Variants in ASTN2 observed in about 807,000 individuals in gnomAD.
The protein encoded by ASTN2 is astrotactin 2, also known as astrotactin-2.
In ASTN2, 54 loss-of-function variants were observed where a neutral mutation model predicts 139.8. The observed-to-expected ratio is 0.39, with a 90% CI of 0.31 to 0.48. The LOEUF (loss-of-function observed/expected upper bound fraction) is 0.48. ASTN2 is among the 20% of genes least tolerant of loss of function. The pLI is 0.95. For synonymous variants in ASTN2, 756 were observed against 719.5 expected (o/e 1.05, Z -0.81); for missense variants, 1,565 against 1,725.1 (o/e 0.91, Z 1.64).
rs55985751 is a variant in ASTN2, at chr9:116,838,610, G to T, written c.2041-17827C>A. ...AGCAATTTTTTTTTTTTTTTTTTCAGTAGAGATGGAGTTTCACCAGGCCAG... is the reference window on the plus strand; with the variant it reads ...AGCAATTTTTTTTTTTTTTTTTTCATTAGAGATGGAGTTTCACCAGGCCAG... On this transcript the variant is annotated intron_variant, in intron 11 of 22. Coordinates refer to ENST00000313400, the MANE Select transcript of ASTN2 (RefSeq NM_001365068.1). 1.6e-3 allele frequency among the ~76,000 whole-genome samples: 195 copies of T among 121,124 alleles called. 1 individual carries two copies. The highest frequency in any genetic ancestry group is 5.9e-3 in the African/African-American group (180 of 30,470). The allele number at this position is 121,124 out of a possible 152,430, so 79.5% of individuals were successfully genotyped here.
chr9:117,346,972 T>C (rs1829239013), intron 1 of ASTN2, among the ~76,000 whole-genome samples: 1 of 152,178 alleles, frequency 6.6e-6, no homozygotes, highest in Non-Finnish European at 1.5e-5. Flanking sequence ...CACATTCTTT[T>C]TTGTTAATTA....
chr9:117,187,283 G>C (rs1213402709), intron 3 of ASTN2, among the ~76,000 whole-genome samples: 1 of 152,132 alleles, frequency 6.6e-6, no homozygotes, highest in Non-Finnish European at 1.5e-5. Context: ...TGAAGGAACT[G>C]GGGGAACAAG....
At chr9:116,538,547 A>T (rs1377884131) in intron 19 of ASTN2, among the ~76,000 whole-genome samples, 1 of 152,164 alleles carries the variant, frequency 6.6e-6, no homozygotes, top group Non-Finnish European at 1.5e-5. Flanking sequence ...CGACTTGTGA[A>T]TTCTAAATTC....
intron 16 of ASTN2, among the ~76,000 whole-genome samples, chr9:116,720,473 C>A (rs116763496): frequency 6.6e-6 from 1 of 152,124 alleles, no homozygotes; most frequent in Non-Finnish European, 1.5e-5. Context: ...TCTAGCCTCT[C>A]TTTATCTCGC....
At chr9:117,097,328 C>T (rs148304519) in intron 4 of ASTN2, among the ~76,000 whole-genome samples, 5 of 152,224 alleles carry the variant, frequency 3.3e-5, no homozygotes, top group African/African-American at 7.2e-5. Context: ...ATACTAATAG[C>T]CATTAATTCC....
intron 19 of ASTN2, among the ~76,000 whole-genome samples, chr9:116,572,826 G>T: frequency 6.6e-6 from 1 of 152,190 alleles, no homozygotes; most frequent in Non-Finnish European, 1.5e-5. Flanking sequence ...AAAGAGGGAG[G>T]ACTGAAATGT....
intron 6 of ASTN2, among the ~76,000 whole-genome samples, chr9:117,022,423 C>T (rs1837908379): frequency 6.8e-6 from 1 of 146,056 alleles, no homozygotes; most frequent in African/African-American, 2.5e-5. Flanking sequence ...GAGAAATAGT[C>T]ATGTACAGTA....
chr9:116,492,986 C>T lies in ASTN2; in HGVS notation c.3356-5486G>A, dbSNP rs527341202. Among the ~76,000 whole-genome samples, 45 of 152,182 alleles carry T rather than the reference C, an allele frequency of 3.0e-4. 1 individual carries two copies. The South Asian group carries it at 7.0e-3, about 24-fold the overall frequency. ...TAGTTTGATCTATTTTATATACTAGCGGTCCATGTTTTTATTTAGTTTTTT... is the reference window on the plus strand; with the variant it reads ...TAGTTTGATCTATTTTATATACTAGTGGTCCATGTTTTTATTTAGTTTTTT... On this transcript the variant is annotated intron_variant, in intron 19 of 22. Coordinates refer to ENST00000313400, the MANE Select transcript of ASTN2 (RefSeq NM_001365068.1).
intron 19 of ASTN2, among the ~76,000 whole-genome samples, chr9:116,509,103 C>T (rs1328142234): frequency 5.3e-5 from 8 of 152,140 alleles, no homozygotes; most frequent in Non-Finnish European, 1.2e-4. Flanking sequence ...TGGTGTGCTG[C>T]ACCCATTAAC....
intron 7 of ASTN2, 58 bp downstream of exon 7, chr9:117,008,034 G>T: frequency 5.4e-6 from 8 of 1,472,994 alleles, no homozygotes; most frequent in Non-Finnish European, 6.3e-6. Context: ...GGAGCACAAT[G>T]CCTCTTTCAA....
At chr9:116,695,036 T>C (rs1860774317) in intron 16 of ASTN2, among the ~76,000 whole-genome samples, 1 of 152,182 alleles carries the variant, frequency 6.6e-6, no homozygotes, top group Non-Finnish European at 1.5e-5. Flanking sequence ...TTCTGTGTTA[T>C]GGAGAAAATG....
chr9:116,462,625 C>T (rs1848522433), intron 20 of ASTN2, among the ~76,000 whole-genome samples: 1 of 152,126 alleles, frequency 6.6e-6, no homozygotes, highest in African/African-American at 2.4e-5. Context: ...GACTCCCTGA[C>T]TCTTCAAGCC....
intron 16 of ASTN2, among the ~76,000 whole-genome samples, chr9:116,675,309 T>C (rs1241191408): frequency 6.6e-6 from 1 of 152,162 alleles, no homozygotes; most frequent in African/African-American, 2.4e-5. Flanking sequence ...GGTGTTTGGA[T>C]TGGTGACTAT....
Position 117,127,672 on chromosome 9 carries a change from G to GTTTTTTTTTTTTTTTTTTTTTTT in ASTN2, c.1168+13631_1168+13653dup, listed in dbSNP as rs11427891. On this transcript the variant is annotated intron_variant, in intron 4 of 22. Coordinates refer to ENST00000313400, the MANE Select transcript of ASTN2 (RefSeq NM_001365068.1). The stretch of plus-strand genomic sequence containing the variant: ...AAGTTAGGGTTTTTTTTTTGTTTTG[G>GTTTTTTTTTTTTTTTTTTTTTTT]TTTTTTTTTTTTTTTTTTTTTTTTT... 5.6e-5 allele frequency among the ~76,000 whole-genome samples: 4 copies of GTTTTTTTTTTTTTTTTTTTTTTT among 70,898 alleles called. 1 individual carries two copies. Among genetic ancestry groups the GTTTTTTTTTTTTTTTTTTTTTTT allele is most frequent in the Non-Finnish European group, 5.0e-5 (2 of 39,966 alleles). The allele number at this position is 70,898 out of a possible 152,430, so 46.5% of individuals were successfully genotyped here.
At position 117,051,582 on chromosome 9, in the gene ASTN2, C is replaced by T. The variant is rs187474447; in HGVS notation, c.1277-11617G>A. ...TCCTCAAGAGTTCTAAAAACTGGCCCCCACCCCTTCTCTCCAAGGTACCCC... is the reference window on the plus strand; with the variant it reads ...TCCTCAAGAGTTCTAAAAACTGGCCTCCACCCCTTCTCTCCAAGGTACCCC... On this transcript the variant is annotated intron_variant, in intron 5 of 22. Transcript: ENST00000313400. 5.8e-3 allele frequency among the ~76,000 whole-genome samples: 878 copies of T among 152,222 alleles called. 4 individuals carry two copies. Among genetic ancestry groups the T allele is most frequent in the Non-Finnish European group, 9.4e-3 (637 of 68,014 alleles).
At chr9:117,073,511 C>T (rs10983506) in intron 5 of ASTN2, among the ~76,000 whole-genome samples, 14,241 of 152,220 alleles carry the variant, frequency 0.094, 747 homozygotes, top group East Asian at 0.19. Context: ...TCACAATGGA[C>T]GGCTAATCTC....
chr9:116,686,750 C>T, intron 16 of ASTN2: 1 of 1,550,642 alleles, frequency 6.4e-7, no homozygotes, highest in Non-Finnish European at 8.7e-7. Context: ...TCTGCCTCTG[C>T]TGTCGGCCTC....
chr9:116,726,015 G>A (rs545703476), intron 15 of ASTN2, 65 bp from the exon 16 acceptor site: 208 of 1,493,998 alleles, frequency 1.4e-4, no homozygotes, highest in Middle Eastern at 6.7e-4. Flanking sequence ...CAAATTATAC[G>A]GTGGCAGGAG....
At chr9:116,645,261 T>G (rs1461472172) in intron 17 of ASTN2, among the ~76,000 whole-genome samples, 1 of 152,300 alleles carries the variant, frequency 6.6e-6, no homozygotes, top group East Asian at 1.9e-4. Context: ...GCACCAGTTG[T>G]GCTGAGCCAA....
Sources: allele counts gnomAD v4.1 joint callset (sites outside exome capture counted in the v4.1 genomes callset), GRCh38; gene constraint gnomAD v4.1.1; transcripts MANE v1.5; gene names NCBI Gene and HGNC (gene_info 2026-07-23, HGNC 2026-07-21).